Variants in STX8 observed in about 807,000 individuals in gnomAD.
The protein encoded by STX8 is syntaxin 8, also known as syntaxin-8.
In STX8, 23 loss-of-function variants were observed where a neutral mutation model predicts 37.5. The observed-to-expected ratio is 0.61, with a 90% confidence interval of 0.44 to 0.87. The LOEUF is 0.87. STX8 is among the 40% of genes least tolerant of loss of function. The pLI is 0.00. For synonymous variants in STX8, 115 were observed against 99.1 expected (o/e 1.16, Z -0.95); for missense variants, 313 against 284.7 (o/e 1.10, Z -0.71).
intron 4 of STX8, among the ~76,000 whole-genome samples, chr17:9,544,212 T>G (rs1488421168): frequency 6.6e-6 from 1 of 152,154 alleles, no homozygotes; most frequent in Non-Finnish European, 1.5e-5. Context: ...AGAGGCGGGT[T>G]TCCACCCAAG....
intron 4 of STX8, among the ~76,000 whole-genome samples, chr17:9,534,160 A>G (rs1204979148): frequency 6.7e-6 from 1 of 148,578 alleles, no homozygotes; most frequent in Non-Finnish European, 1.5e-5. Context: ...TTAATAACGG[A>G]CATTAATTAT....
chr17:9,532,876 C>T (rs1285628301), intron 4 of STX8, among the ~76,000 whole-genome samples: 4 of 152,090 alleles, frequency 2.6e-5, no homozygotes, highest in South Asian at 2.1e-4. Context: ...GCTTCATCGT[C>T]TTCAATATAT....
chr17:9,435,661 G>A (rs934170704), intron 6 of STX8, among the ~76,000 whole-genome samples: 9 of 152,116 alleles, frequency 5.9e-5, no homozygotes, highest in African/African-American at 9.7e-5. Flanking sequence ...GAAAACGAGC[G>A]TTCGATTAAA....
intron 7 of STX8, among the ~76,000 whole-genome samples, chr17:9,260,871 T>C (rs950973690): frequency 1.3e-5 from 2 of 152,216 alleles, no homozygotes; most frequent in Non-Finnish European, 2.9e-5. Context: ...GATGAGGCAC[T>C]GCTCTGCAGG....
chr17:9,268,757 A>G (rs1045106274), intron 7 of STX8, among the ~76,000 whole-genome samples: 6 of 152,194 alleles, frequency 3.9e-5, no homozygotes, highest in African/African-American at 1.4e-4. Context: ...CCTGCAGGCA[A>G]TGTGGGCAGA....
intron 1 of STX8, 47 bp from the exon 2 acceptor site, chr17:9,568,517 T>A (rs766876694): frequency 8.5e-6 from 13 of 1,522,638 alleles, no homozygotes; most frequent in Non-Finnish European, 9.9e-6. Flanking sequence ...TTCTTTTTTT[T>A]TGAGACGGAG....
intron 7 of STX8, among the ~76,000 whole-genome samples, chr17:9,301,505 T>G (rs1001096471): frequency 6.6e-6 from 1 of 151,632 alleles, no homozygotes; most frequent in Non-Finnish European, 1.5e-5. Context: ...ATTTTTGAGA[T>G]GGAGTCTCAC....
At chr17:9,533,690 G>C (rs1321424044) in intron 4 of STX8, among the ~76,000 whole-genome samples, 1 of 152,150 alleles carries the variant, frequency 6.6e-6, no homozygotes, top group Non-Finnish European at 1.5e-5. Flanking sequence ...AAGAAAGAAG[G>C]TTCTTAATGA....
chr17:9,441,331 A>T (rs1904642211), intron 6 of STX8, among the ~76,000 whole-genome samples: 1 of 151,766 alleles, frequency 6.6e-6, no homozygotes, highest in Non-Finnish European at 1.5e-5. Flanking sequence ...CTCTACTAAA[A>T]ATACAAAAAT....
At chr17:9,449,135 A>G (rs1000679329) in intron 6 of STX8, among the ~76,000 whole-genome samples, 1 of 152,104 alleles carries the variant, frequency 6.6e-6, no homozygotes, top group African/African-American at 2.4e-5. Flanking sequence ...CAGCAATCCT[A>G]CTCCTAGGCA....
At chr17:9,423,587 G>A (rs971854868) in intron 6 of STX8, among the ~76,000 whole-genome samples, 3 of 152,198 alleles carry the variant, frequency 2.0e-5, no homozygotes, top group African/African-American at 7.2e-5. Flanking sequence ...GCCTCCCAAA[G>A]TGCTGGGATT....
chr17:9,250,472 C>T lies in STX8; in HGVS notation c.*106G>A. 1.8e-6 allele frequency: 2 copies of T among 1,097,644 alleles called. No homozygotes were observed. The allele number at this position is 1,097,644 out of a possible 1,614,324, so 68.0% of individuals were successfully genotyped here. A position where few individuals can be genotyped will look rare whatever the true frequency, so the allele number is the denominator to read the frequency against. ...TTTACTGAAGCAATGCACAAGAGGT[C>T]AGAGCTTTGGGGGAATTTATTGAGA... On this transcript the variant is annotated 3_prime_UTR_variant, in exon 8 of 8. Transcript: ENST00000306357.
intron 6 of STX8, among the ~76,000 whole-genome samples, chr17:9,419,043 C>A (rs1597659570): frequency 6.6e-6 from 1 of 151,452 alleles, no homozygotes; most frequent in Admixed American, 6.6e-5. Flanking sequence ...CCCACTTCAG[C>A]CTCCTTAGTA....
chr17:9,480,138 CTG>C (rs1906262599), intron 6 of STX8, among the ~76,000 whole-genome samples: 1 of 152,196 alleles, frequency 6.6e-6, no homozygotes, highest in Non-Finnish European at 1.5e-5. Context: ...AACTGTGTAT[CTG>C]TGCAGTATCT....
intron 4 of STX8, among the ~76,000 whole-genome samples, chr17:9,530,953 A>C (rs1035214045): frequency 2.0e-5 from 3 of 152,218 alleles, no homozygotes; most frequent in Admixed American, 1.3e-4. Context: ...AACCCTTCAC[A>C]TTTAGATCTA....
chr17:9,351,767 A>G (rs1019186238), intron 7 of STX8, among the ~76,000 whole-genome samples: 4 of 152,154 alleles, frequency 2.6e-5, no homozygotes, highest in African/African-American at 9.7e-5. Flanking sequence ...CAGAACACCC[A>G]TCAATCTGAA....
chr17:9,450,950 T>G (rs185084070), intron 6 of STX8, among the ~76,000 whole-genome samples: 1 of 152,106 alleles, frequency 6.6e-6, no homozygotes, highest in Admixed American at 6.6e-5. Flanking sequence ...CAAAAAAGAT[T>G]TGCCAAGCAT....
At chr17:9,496,430 G>A (rs1264577579) in intron 5 of STX8, among the ~76,000 whole-genome samples, 1 of 152,110 alleles carries the variant, frequency 6.6e-6, no homozygotes, top group Non-Finnish European at 1.5e-5. Context: ...GCCAAAATCT[G>A]CCCTACTCTT....
At chr17:9,402,807 A>G (rs1912670617) in intron 6 of STX8, among the ~76,000 whole-genome samples, 1 of 152,180 alleles carries the variant, frequency 6.6e-6, no homozygotes, top group South Asian at 2.1e-4. Context: ...GGGAAAATGC[A>G]AGAGGAAAGG....
Sources: allele counts gnomAD v4.1 joint callset (sites outside exome capture counted in the v4.1 genomes callset), GRCh38; gene constraint gnomAD v4.1.1; transcripts MANE v1.5; gene names NCBI Gene and HGNC (gene_info 2026-07-23, HGNC 2026-07-21).